The following FZD6 variants were observed in gnomAD, a reference collection of about 807,000 sequenced individuals.
FZD6 encodes frizzled class receptor 6, also known as frizzled-6.
In FZD6, 49 loss-of-function variants were observed where a neutral mutation model predicts 61.4. That is an observed-to-expected ratio of 0.80 (90% CI 0.63 to 1.01). FZD6 has a LOEUF of 1.01. Among genes scored for constraint, FZD6 ranks in the 50% least tolerant of loss-of-function variants. The pLI, the probability that FZD6 is intolerant of heterozygous loss-of-function variation, is 0.00. For missense variants in FZD6, 724 were observed against 848.2 expected (o/e 0.85, Z 1.82); for synonymous variants, 265 against 292.2 (o/e 0.91, Z 0.95).
intron 3 of FZD6, among the ~76,000 whole-genome samples, chr8:103,323,110 C>G (rs1368190003): frequency 6.6e-6 from 1 of 151,946 alleles, no homozygotes; most frequent in African/African-American, 2.4e-5. Context: ...ATATAAAGTT[C>G]AAAACCTGAA....
At chr8:103,329,506 A>G (rs1815057723) in intron 5 of FZD6, 149 bp from the exon 6 acceptor site, 2 of 603,236 alleles carry the variant, frequency 3.3e-6, no homozygotes, top group South Asian at 4.3e-5. Flanking sequence ...CCTAGTATTT[A>G]TAATCCCAGA....
rs554970152 is a variant in FZD6, at chr8:103,329,744, A to G, written c.1631A>G (p.Tyr544Cys). 9 of 1,613,666 alleles carry G rather than the reference A, an allele frequency of 5.6e-6. No homozygotes were observed. The African/African-American group carries it at 1.1e-4, about 19-fold the overall frequency. ...AAAGTTAAACACAAAAAGAAGCACT[A>G]TAAACCAAGTTCACACAAGCTGAAG... is the stretch of plus-strand genomic sequence containing the variant. ...NSKVKHKKKH[Y>C]KPSSHKLKVI... Residue 544 changes from tyrosine (Y) to cysteine (C), a missense_variant, in exon 6 of 7, where the codon TAT becomes TGT. Coordinates refer to ENST00000358755, the MANE Select transcript of FZD6 (RefSeq NM_003506.4).
chr8:103,319,852 G>A (rs975338505), intron 3 of FZD6, among the ~76,000 whole-genome samples: 1 of 152,194 alleles, frequency 6.6e-6, no homozygotes, highest in Non-Finnish European at 1.5e-5. Flanking sequence ...AAGGAGTGAA[G>A]AGGAAGTAAA....
intron 5 of FZD6, among the ~76,000 whole-genome samples, chr8:103,329,013 TTATATA>T (rs55730772): frequency 6.1e-5 from 7 of 115,178 alleles, no homozygotes; most frequent in Admixed American, 1.0e-4. Context: ...CATTTTAGTT[TTATATA>T]TATATATATA....
rs184919893 is a variant in FZD6 at position 103,327,342 on chromosome 8, C to G, written c.1393-926C>G. Among the ~76,000 whole-genome samples the G allele has an allele frequency of 1.1e-4, 17 of 152,306 alleles. No individual in the cohort carries two copies. The East Asian group carries it at 3.1e-3, about 28-fold the overall frequency. The stretch of plus-strand genomic sequence containing the variant: ...GGGTGCGGTGGCTTACGCCTGTAAT[C>G]CTAGCATTTTGGGAGGCTGAGGAGG... On this transcript the variant is annotated intron_variant, in intron 4 of 6. Coordinates refer to ENST00000358755, the MANE Select transcript of FZD6 (RefSeq NM_003506.4).
At chr8:103,313,162 GC>G in intron 2 of FZD6, among the ~76,000 whole-genome samples, 1 of 152,236 alleles carries the variant, frequency 6.6e-6, no homozygotes, top group Middle Eastern at 3.5e-3. Flanking sequence ...TGCCTCAGCT[GC>G]AAGGTGGAGA....
chr8:103,322,468 T>C (rs1814819171), intron 3 of FZD6, among the ~76,000 whole-genome samples: 2 of 152,128 alleles, frequency 1.3e-5, no homozygotes, highest in South Asian at 4.2e-4. Flanking sequence ...ATAAACTTGA[T>C]GAATACTGAC....
intron 1 of FZD6, 81 bp from the exon 2 acceptor site, chr8:103,299,875 G>GA (rs1484025166): frequency 2.1e-6 from 1 of 484,118 alleles, no homozygotes; most frequent in Non-Finnish European, 3.8e-6. Flanking sequence ...TACCTGGGGT[G>GA]AAAATCTTAA....
At chr8:103,319,354 A>G (rs2130312741) in intron 3 of FZD6, among the ~76,000 whole-genome samples, 1 of 152,312 alleles carries the variant, frequency 6.6e-6, no homozygotes, top group East Asian at 1.9e-4. Flanking sequence ...AGATAAGGAA[A>G]GAGAGAGAAG....
intron 2 of FZD6, among the ~76,000 whole-genome samples, chr8:103,317,977 T>A (rs1814679319): frequency 6.6e-6 from 1 of 152,134 alleles, no homozygotes; most frequent in East Asian, 1.9e-4. Flanking sequence ...GGGATTGAGT[T>A]GTATTTTGCA....
At chr8:103,316,521 A>C (rs1321526536) in intron 2 of FZD6, among the ~76,000 whole-genome samples, 2 of 152,220 alleles carry the variant, frequency 1.3e-5, no homozygotes, top group Non-Finnish European at 2.9e-5. Flanking sequence ...TGTTTCAGGA[A>C]TATTACATCT....
intron 2 of FZD6, among the ~76,000 whole-genome samples, chr8:103,301,076 C>CT (rs994874034): frequency 2.0e-5 from 3 of 152,040 alleles, no homozygotes; most frequent in Admixed American, 1.3e-4. Flanking sequence ...ATAGTAAAGG[C>CT]TTTTTTCCCT....
intron 5 of FZD6, among the ~76,000 whole-genome samples, chr8:103,329,080 C>T (rs1815048121): frequency 7.2e-6 from 1 of 139,032 alleles, no homozygotes; most frequent in African/African-American, 2.6e-5. Flanking sequence ...AAATTGTTCC[C>T]CATTGGTTTG....
In FZD6 at chr8:103,324,731, T is replaced by G. The variant is rs1814891723; in HGVS notation, c.625T>G (p.Cys209Gly). The G allele has an allele frequency of 3.1e-6, 5 of 1,614,156 alleles. No individual in the cohort carries two copies. Among genetic ancestry groups the G allele is most frequent in the Non-Finnish European group, 4.2e-6 (5 of 1,179,970 alleles). Residue 209 changes from cysteine (C) to glycine (G), a missense_variant, in exon 4 of 7, where the codon TGT becomes GGT. By Grantham distance (159) the Cys-to-Gly change is radical. Coordinates refer to ENST00000358755, the MANE Select transcript of FZD6 (RefSeq NM_003506.4). Reference sequence around the variant, plus strand: ...TTTTATTGGAACAGTTTCAATATTTTGTCTTTGTGCAACTCTGTTCACATT... The same window carrying G: ...TTTTATTGGAACAGTTTCAATATTTGGTCTTTGTGCAACTCTGTTCACATT... ...KSFIGTVSIF[C>G]LCATLFTFLT...
chr8:103,312,113 G>A (rs1156587235), intron 2 of FZD6, among the ~76,000 whole-genome samples: 1 of 152,092 alleles, frequency 6.6e-6, no homozygotes, highest in African/African-American at 2.4e-5. Flanking sequence ...GATGTGAATT[G>A]CCTTCTCACT....
At position 103,329,919 on chromosome 8, in the gene FZD6, G is replaced by C. The variant is rs753220831; in HGVS notation, c.1806G>C (p.Ala602=). ...SPETSMREVK[A]DGASTPRLRE... ...AAACATCAATGAGAGAGGTGAAAGC[G>C]GACGGAGCTAGCACCCCCAGGTTAA... Residue 602 remains alanine (A), a synonymous_variant, in exon 6 of 7, where the codon GCG becomes GCC. Transcript: ENST00000358755. 1.9e-6 allele frequency: 3 copies of C among 1,613,962 alleles called. No homozygotes were observed. Among genetic ancestry groups the C allele is most frequent in the Non-Finnish European group, 2.5e-6 (3 of 1,180,012 alleles).
intron 2 of FZD6, among the ~76,000 whole-genome samples, chr8:103,300,819 A>G (rs1188726015): frequency 6.6e-6 from 1 of 152,194 alleles, no homozygotes; most frequent in Non-Finnish European, 1.5e-5. Context: ...TAGCACTTAT[A>G]TGTTCTTTAT....
chr8:103,308,257 G>T (rs1522713), intron 2 of FZD6, among the ~76,000 whole-genome samples: 21,840 of 152,076 alleles, frequency 0.14, 1,861 homozygotes, highest in East Asian at 0.3. Context: ...CTTTGGGTTT[G>T]CATTCACATG....
intron 3 of FZD6, among the ~76,000 whole-genome samples, chr8:103,322,701 T>A (rs2934719): frequency 0.5 from 76,604 of 151,962 alleles, 19,930 homozygotes; most frequent in African/African-American, 0.62. Flanking sequence ...TTTGTTTTAT[T>A]TTTAGGCTGA....
Sources: allele counts gnomAD v4.1 joint callset (sites outside exome capture counted in the v4.1 genomes callset), GRCh38; gene constraint gnomAD v4.1.1; transcripts MANE v1.5; gene names NCBI Gene and HGNC (gene_info 2026-07-23, HGNC 2026-07-21).